The following PRKD1 variants were observed in gnomAD, a reference collection of about 807,000 sequenced individuals.
The protein encoded by PRKD1 is serine/threonine-protein kinase D1.
A neutral mutation model predicts 95.9 loss-of-function variants in PRKD1; 63 were observed. The observed-to-expected ratio is 0.66, with a 90% CI of 0.54 to 0.81. PRKD1 has a LOEUF of 0.81. Ranked by LOEUF, PRKD1 falls within the 30% of genes least tolerant of loss-of-function variation. The pLI is 0.00. For synonymous variants in PRKD1, 425 were observed against 423.1 expected (o/e 1.00, Z -0.05); for missense variants, 1,048 against 1,165.3 (o/e 0.90, Z 1.47).
chr14:29,897,022 G>C (rs1229319907), intron 1 of PRKD1, among the ~76,000 whole-genome samples: 1 of 151,594 alleles, frequency 6.6e-6, no homozygotes, highest in Admixed American at 6.6e-5. Context: ...TATAAAAAAT[G>C]AAAATATCTA....
chr14:29,779,173 G>A (rs975962863), intron 1 of PRKD1, among the ~76,000 whole-genome samples: 2 of 152,048 alleles, frequency 1.3e-5, no homozygotes, highest in East Asian at 3.9e-4. Context: ...AAACCCACAG[G>A]CAATATCATA....
intron 2 of PRKD1, among the ~76,000 whole-genome samples, chr14:29,717,207 G>A (rs1381443912): frequency 6.6e-6 from 1 of 152,134 alleles, no homozygotes. Flanking sequence ...GATTGCATGT[G>A]ATATACCAGA....
At chr14:29,814,253 A>G (rs1890603234) in intron 1 of PRKD1, among the ~76,000 whole-genome samples, 1 of 152,186 alleles carries the variant, frequency 6.6e-6, no homozygotes, top group Non-Finnish European at 1.5e-5. Context: ...ATAATTAATC[A>G]TTGCCAACCC....
At chr14:29,861,207 A>T (rs1892698157) in intron 1 of PRKD1, among the ~76,000 whole-genome samples, 1 of 152,160 alleles carries the variant, frequency 6.6e-6, no homozygotes, top group Non-Finnish European at 1.5e-5. Flanking sequence ...TGAAGAAAAA[A>T]AAATGGAATG....
intron 16 of PRKD1, among the ~76,000 whole-genome samples, chr14:29,595,258 A>G (rs1893259577): frequency 6.6e-6 from 1 of 152,200 alleles, no homozygotes; most frequent in Non-Finnish European, 1.5e-5. Context: ...TCTTGCTAAA[A>G]TGCTATGTCT....
intron 1 of PRKD1, among the ~76,000 whole-genome samples, chr14:29,890,658 T>C (rs1267260124): frequency 6.6e-6 from 1 of 152,076 alleles, no homozygotes; most frequent in Non-Finnish European, 1.5e-5. Context: ...AGATAATACA[T>C]TCCAAGCATA....
At chr14:29,750,616 G>GCGCACACA (rs72239992) in intron 1 of PRKD1, among the ~76,000 whole-genome samples, 6 of 148,480 alleles carry the variant, frequency 4.0e-5, no homozygotes, top group African/African-American at 7.4e-5. Context: ...ATGAACGCGC[G>GCGCACACA]CACACACACA....
chr14:29,777,110 C>T (rs1378571485), intron 1 of PRKD1, among the ~76,000 whole-genome samples: 1 of 152,082 alleles, frequency 6.6e-6, no homozygotes, highest in African/African-American at 2.4e-5. Context: ...ATTTTGTCAC[C>T]ACCAGGCCTG....
At chr14:29,681,924 G>A (rs1375963393) in intron 2 of PRKD1, among the ~76,000 whole-genome samples, 1 of 152,170 alleles carries the variant, frequency 6.6e-6, no homozygotes, top group South Asian at 2.1e-4. Context: ...CTAACAGTAT[G>A]CTGAGAAAAT....
At chr14:29,772,558 GA>G (rs1594503785) in intron 1 of PRKD1, among the ~76,000 whole-genome samples, 1 of 152,096 alleles carries the variant, frequency 6.6e-6, no homozygotes, top group East Asian at 1.9e-4. Flanking sequence ...TTATGTGTAT[GA>G]GTATACATTT....
At chr14:29,708,901 A>G (rs1051086310) in intron 2 of PRKD1, among the ~76,000 whole-genome samples, 3 of 152,168 alleles carry the variant, frequency 2.0e-5, no homozygotes, top group African/African-American at 7.2e-5. Flanking sequence ...TTAAATAAAA[A>G]TAAAGCTACA....
chr14:29,608,045 TA>T (rs1878143312), intron 13 of PRKD1, among the ~76,000 whole-genome samples: 1 of 152,324 alleles, frequency 6.6e-6, no homozygotes, highest in East Asian at 1.9e-4. Context: ...ATATTATTTA[TA>T]AATTAACATA....
chr14:29,805,513 A>G (rs1361323088), intron 1 of PRKD1, among the ~76,000 whole-genome samples: 1 of 152,254 alleles, frequency 6.6e-6, no homozygotes, highest in Non-Finnish European at 1.5e-5. Context: ...AACTGAGCTA[A>G]ATGAAATTAA....
chr14:29,722,426 T>C (rs1224688053), intron 2 of PRKD1, among the ~76,000 whole-genome samples: 2 of 152,228 alleles, frequency 1.3e-5, no homozygotes, highest in Non-Finnish European at 2.9e-5. Context: ...TGATAGGCCC[T>C]GATTTCTCTT....
chr14:29,581,460 A>C (rs758346170), intron 16 of PRKD1, among the ~76,000 whole-genome samples: 5 of 152,172 alleles, frequency 3.3e-5, no homozygotes, highest in Non-Finnish European at 5.9e-5. Flanking sequence ...TTTTAATAAA[A>C]GGAAAACGTG....
chr14:29,822,068 T>C (rs1323000972), intron 1 of PRKD1, among the ~76,000 whole-genome samples: 4 of 152,224 alleles, frequency 2.6e-5, no homozygotes, highest in Non-Finnish European at 4.4e-5. Flanking sequence ...ATTTGTTTCA[T>C]ATTTATTTTT....
chr14:29,790,367 T>G (rs1034629117), intron 1 of PRKD1, among the ~76,000 whole-genome samples: 1 of 152,136 alleles, frequency 6.6e-6, no homozygotes, highest in Non-Finnish European at 1.5e-5. Flanking sequence ...AAAAAAAGAT[T>G]CATAATTTAT....
chr14:29,635,229 T>C (rs1231032541), intron 7 of PRKD1, among the ~76,000 whole-genome samples: 2 of 152,184 alleles, frequency 1.3e-5, no homozygotes, highest in Non-Finnish European at 2.9e-5. Flanking sequence ...ATTTAGAGAT[T>C]ACATTATTCA....
At chr14:29,837,541 A>C (rs948160595) in intron 1 of PRKD1, among the ~76,000 whole-genome samples, 1 of 152,204 alleles carries the variant, frequency 6.6e-6, no homozygotes, top group Non-Finnish European at 1.5e-5. Context: ...TTCAAGAAAG[A>C]CAAATTAGGA....
Sources: allele counts gnomAD v4.1 joint callset (sites outside exome capture counted in the v4.1 genomes callset), GRCh38; gene constraint gnomAD v4.1.1; transcripts MANE v1.5; gene names NCBI Gene and HGNC (gene_info 2026-07-23, HGNC 2026-07-21).